Variants in DYNC2I1 observed in about 807,000 individuals in gnomAD.
DYNC2I1 encodes dynein 2 intermediate chain 1, also known as cytoplasmic dynein 2 intermediate chain 1.
In DYNC2I1, 89 loss-of-function variants were observed where a neutral mutation model predicts 133.4. That is an observed-to-expected ratio of 0.67 (90% CI 0.56 to 0.80). DYNC2I1 has a LOEUF of 0.80. DYNC2I1 is among the 30% of genes least tolerant of loss of function. The pLI is 0.00. For synonymous variants in DYNC2I1, 504 were observed against 484.3 expected (o/e 1.04, Z -0.54); for missense variants, 1,291 against 1,314.5 (o/e 0.98, Z 0.28).
At chr7:158,852,482 T>C (rs1170718890), upstream of DYNC2I1, among the ~76,000 whole-genome samples, 1 of 151,754 alleles carries the variant, frequency 6.6e-6, no homozygotes, top group Non-Finnish European at 1.5e-5. Flanking sequence ...GGCTCACGCC[T>C]GTAATCCTAG....
At position 158,862,686 on chromosome 7, in the gene DYNC2I1, G is replaced by A. The variant is rs140088911; in HGVS notation, c.15+5936G>A. ...AGTGAGCTATGATAGCACTGTGTCC[G>A]GAGTTGGTTCCTTCTGGTGGGTTCT... is the stretch of plus-strand genomic sequence containing the variant. On this transcript the variant is annotated intron_variant, in intron 1 of 24. Coordinates refer to ENST00000407559, the MANE Select transcript of DYNC2I1 (RefSeq NM_018051.5). 7.5e-3 allele frequency among the ~76,000 whole-genome samples: 1,138 copies of A among 152,164 alleles called. 19 individuals are homozygous for A. Among genetic ancestry groups the A allele is most frequent in the African/African-American group, 0.026 (1,065 of 41,534 alleles).
In DYNC2I1 at chr7:158,919,337, C is replaced by T. The variant is rs146986673; in HGVS notation, c.1921+468C>T. ...ATAGACTTAGATTTTTAGGTCAATC[C>T]GTGGTTATGGAACATAAAACGGGAA... On this transcript the variant is annotated intron_variant, in intron 15 of 24. Coordinates refer to ENST00000407559, the MANE Select transcript of DYNC2I1 (RefSeq NM_018051.5). 1.1e-3 allele frequency among the ~76,000 whole-genome samples: 170 copies of T among 151,818 alleles called. 1 individual carries two copies. In the Middle Eastern group the frequency reaches 0.014, roughly 12 times the overall value.
chr7:158,911,456 T>TG (rs1375375799), intron 11 of DYNC2I1, 94 bp from the exon 12 acceptor site: 3 of 1,351,480 alleles, frequency 2.2e-6, no homozygotes, highest in Non-Finnish European at 3.0e-6. Flanking sequence ...GACAATAACA[T>TG]GCATTTAACT....
At chr7:158,955,826 C>T (rs566194149) in intron 4 of DYNC2I1, among the ~76,000 whole-genome samples, 1 of 152,322 alleles carries the variant, frequency 6.6e-6, no homozygotes, top group South Asian at 2.1e-4. Flanking sequence ...AAACACAGCC[C>T]TGTGGGGAGC....
rs747838734 is a variant in DYNC2I1, at chr7:158,945,724, G to C, written c.3146G>C (p.Arg1049Thr). ...WAAPEVDECN[R>T]LRLLLQEALW... Reference sequence around the variant, plus strand: ...GCCCCGGAGGTGGACGAGTGCAACAGGCTGCGTCTGCTTTTGCAGGAAGCC... The same window carrying C: ...GCCCCGGAGGTGGACGAGTGCAACACGCTGCGTCTGCTTTTGCAGGAAGCC... The change falls in exon 25 of 25, where the codon AGG becomes ACG. Residue 1049 changes from arginine to threonine, a missense_variant. Transcript: ENST00000407559. This position sits in a 1 kb window ranked among gnomAD's most constrained non-coding sequence, Gnocchi z 4.1. 12 of 1,604,878 alleles carry C rather than the reference G, an allele frequency of 7.5e-6. No homozygotes were observed. The Admixed American group carries it at 2.0e-4, about 27-fold the overall frequency.
At chr7:158,954,542 G>C (rs1264763758) in intron 4 of DYNC2I1, among the ~76,000 whole-genome samples, 2 of 152,172 alleles carry the variant, frequency 1.3e-5, no homozygotes, top group African/African-American at 4.8e-5. Flanking sequence ...CAGCTACTTG[G>C]GAGGCTGAGG....
At chr7:158,860,380 C>T (rs1233068456) in intron 1 of DYNC2I1, among the ~76,000 whole-genome samples, 1 of 152,166 alleles carries the variant, frequency 6.6e-6, no homozygotes, top group Non-Finnish European at 1.5e-5. Context: ...TTTTAGTATA[C>T]ACCAAGCATT....
At chr7:158,954,108 C>T (rs561308129) in intron 4 of DYNC2I1, among the ~76,000 whole-genome samples, 218 of 152,178 alleles carry the variant, frequency 1.4e-3, no homozygotes, top group African/African-American at 4.7e-3. Context: ...TTATTAAGGG[C>T]GGTTCCCCTG....
chr7:158,860,162 TCTC>T (rs1484433900), intron 1 of DYNC2I1, among the ~76,000 whole-genome samples: 1 of 152,020 alleles, frequency 6.6e-6, no homozygotes, highest in African/African-American at 2.4e-5. Context: ...TTCAAGCAGT[TCTC>T]CTGCCTCAGC....
intron 20 of DYNC2I1, among the ~76,000 whole-genome samples, chr7:158,927,656 A>G (rs991670427): frequency 3.3e-5 from 5 of 151,828 alleles, no homozygotes; most frequent in African/African-American, 1.2e-4. Context: ...GGTTCAAGCA[A>G]TTCTCTTGCC....
intron 16 of DYNC2I1, among the ~76,000 whole-genome samples, chr7:158,923,162 A>G (rs1356086493): frequency 2.0e-5 from 3 of 152,222 alleles, no homozygotes; most frequent in South Asian, 4.1e-4. Flanking sequence ...CCTCAAACCC[A>G]TTGATTTCCA....
chr7:158,948,104 G>T (rs1467242680), downstream of DYNC2I1, among the ~76,000 whole-genome samples: 3 of 152,210 alleles, frequency 2.0e-5, no homozygotes. Context: ...ATGCCTCCGG[G>T]ATCTTCCAGA....
intron 7 of DYNC2I1, among the ~76,000 whole-genome samples, chr7:158,888,511 G>A (rs1479226237): frequency 1.3e-5 from 2 of 151,706 alleles, no homozygotes; most frequent in Non-Finnish European, 2.9e-5. Context: ...TCACTCTGTT[G>A]CCCAGGCTGG....
rs558238816 is a variant in DYNC2I1 at position 158,930,828 on chromosome 7, C to T, written c.2546+313C>T. 1.8e-4 allele frequency among the ~76,000 whole-genome samples: 28 copies of T among 152,050 alleles called. 1 individual carries two copies. Among genetic ancestry groups the T allele is most frequent in the Admixed American group, 6.5e-4 (10 of 15,276 alleles). ...GATTACAGGCGCCTGCCACCGTGCC[C>T]GGCTAATTTTTGTATTTTTAGTAGA... is the stretch of plus-strand genomic sequence containing the variant. On this transcript the variant is annotated intron_variant, in intron 21 of 24. Coordinates refer to ENST00000407559, the MANE Select transcript of DYNC2I1 (RefSeq NM_018051.5).
chr7:158,941,726 A>G (rs1851384689), intron 23 of DYNC2I1, among the ~76,000 whole-genome samples, 199 bp from the exon 24 acceptor site: 1 of 152,184 alleles, frequency 6.6e-6, no homozygotes. Flanking sequence ...TACGAACGAT[A>G]TAAAAGGTGG....
At chr7:158,913,257 G>A (rs1329432917) in intron 13 of DYNC2I1, among the ~76,000 whole-genome samples, 161 bp downstream of exon 13, 1 of 152,090 alleles carries the variant, frequency 6.6e-6, no homozygotes, top group African/African-American at 2.4e-5. Context: ...TTAAAGAAAC[G>A]CTAACCAGCA....
chr7:158,958,394 G>C (rs1304448217), downstream of DYNC2I1, among the ~76,000 whole-genome samples: 1 of 152,232 alleles, frequency 6.6e-6, no homozygotes, highest in Non-Finnish European at 1.5e-5. Flanking sequence ...CACCGTGGCC[G>C]GGGTCCTGTT....
intron 3 of DYNC2I1, among the ~76,000 whole-genome samples, chr7:158,872,156 A>T (rs1842945687): frequency 6.6e-6 from 1 of 151,910 alleles, no homozygotes; most frequent in Non-Finnish European, 1.5e-5. Flanking sequence ...TCACTACAAA[A>T]AATAAAAAAA....
In DYNC2I1 at chr7:158,926,294, CAAG is replaced by C; in HGVS notation, c.2369_2371del (p.Glu791del). ...CTTTGTGCTTTCACCCTTTTCTACT[CAAG>C]AAGGTACGTGATTCTTCACTTTCTT... On this transcript the variant is annotated inframe_deletion, in exon 18 of 25. Coordinates refer to ENST00000407559, the MANE Select transcript of DYNC2I1 (RefSeq NM_018051.5). 6.2e-7 allele frequency: 1 copy of C among 1,610,846 alleles called. No homozygotes were observed. Among genetic ancestry groups the C allele is most frequent in the Non-Finnish European group, 8.5e-7 (1 of 1,178,398 alleles).
Sources: allele counts gnomAD v4.1 joint callset (sites outside exome capture counted in the v4.1 genomes callset), GRCh38; gene constraint gnomAD v4.1.1; non-coding constraint Gnocchi (gnomAD v3.1); transcripts MANE v1.5; gene names NCBI Gene and HGNC (gene_info 2026-07-23, HGNC 2026-07-21).